The following IGF2BP2 variants were observed in gnomAD, a reference collection of about 807,000 sequenced individuals.
IGF2BP2 encodes the protein insulin-like growth factor 2 mRNA-binding protein 2.
In IGF2BP2, 17 loss-of-function variants were observed where a neutral mutation model predicts 75.8. The ratio of observed to expected loss-of-function variants is 0.22; its 90% CI spans 0.15 to 0.34. The LOEUF (loss-of-function observed/expected upper bound fraction) is 0.34, where lower values mean the gene tolerates loss of function less well. IGF2BP2 is among the 10% of genes least tolerant of loss of function. IGF2BP2 has a pLI of 1.00. For missense variants in IGF2BP2, 516 were observed against 772.4 expected (o/e 0.67, Z 3.93); for synonymous variants, 288 against 295.6 (o/e 0.97, Z 0.26).
chr3:185,706,211 G>C (rs1373477116), intron 2 of IGF2BP2, among the ~76,000 whole-genome samples: 1 of 152,144 alleles, frequency 6.6e-6, no homozygotes, highest in Non-Finnish European at 1.5e-5. Context: ...TCTACAAAAA[G>C]AGATGGTGGA....
At position 185,730,796 on chromosome 3, in the gene IGF2BP2, C is replaced by T. The variant is rs563578262; in HGVS notation, c.240-32449G>A. 2.2e-4 allele frequency among the ~76,000 whole-genome samples: 34 copies of T among 152,160 alleles called. No homozygotes were observed. In the East Asian group the frequency reaches 3.1e-3, roughly 14 times the overall value. ...TATTTTTAGTTCTTCAAGAAATCTC[C>T]GTACTGTTTTCCATAGAGGTTGTAC... On this transcript the variant is annotated intron_variant, in intron 2 of 15. Coordinates refer to ENST00000382199, the MANE Select transcript of IGF2BP2 (RefSeq NM_006548.6).
At chr3:185,714,226 G>GTAGTATTAT (rs1725256546) in intron 2 of IGF2BP2, among the ~76,000 whole-genome samples, 1 of 151,776 alleles carries the variant, frequency 6.6e-6, no homozygotes, top group Admixed American at 6.6e-5. Flanking sequence ...TTAGTATAGG[G>GTAGTATTAT]TAGTATTATT....
chr3:185,718,971 C>A (rs927903840), intron 2 of IGF2BP2, among the ~76,000 whole-genome samples: 4 of 152,162 alleles, frequency 2.6e-5, no homozygotes, highest in African/African-American at 9.7e-5. Context: ...AGCCACAGAC[C>A]CAAATCATGC....
chr3:185,751,853 C>T (rs1731013662), intron 2 of IGF2BP2, among the ~76,000 whole-genome samples: 1 of 151,802 alleles, frequency 6.6e-6, no homozygotes, highest in Non-Finnish European at 1.5e-5. Context: ...GTCCCAGCTA[C>T]TCAAGAGGCT....
intron 2 of IGF2BP2, among the ~76,000 whole-genome samples, chr3:185,799,585 A>T (rs1006359495): frequency 6.6e-6 from 1 of 151,880 alleles, no homozygotes; most frequent in Non-Finnish European, 1.5e-5. Flanking sequence ...CGTCTCTACT[A>T]AAAAAATACA....
intron 2 of IGF2BP2, among the ~76,000 whole-genome samples, chr3:185,752,231 T>C: frequency 6.6e-6 from 1 of 152,094 alleles, no homozygotes; most frequent in Non-Finnish European, 1.5e-5. Context: ...CAATGACACA[T>C]CCATTTACAA....
At chr3:185,671,216 A>G (rs1410022298) in intron 10 of IGF2BP2, among the ~76,000 whole-genome samples, 2 of 152,230 alleles carry the variant, frequency 1.3e-5, no homozygotes, top group Non-Finnish European at 2.9e-5. Flanking sequence ...TTTAAGGGGA[A>G]ATGATATAAC....
chr3:185,744,432 A>C (rs1729971143), intron 2 of IGF2BP2, among the ~76,000 whole-genome samples: 1 of 152,216 alleles, frequency 6.6e-6, no homozygotes, highest in African/African-American at 2.4e-5. Context: ...AGGAAATCAG[A>C]AAAGGAGGTT....
intron 2 of IGF2BP2, among the ~76,000 whole-genome samples, chr3:185,745,783 T>C (rs1011170630): frequency 1.2e-4 from 17 of 146,874 alleles, no homozygotes; most frequent in African/African-American, 4.1e-4. Context: ...GCATAGCTGC[T>C]GCCCAACAGG....
At chr3:185,815,282 A>G (rs918937094) in intron 2 of IGF2BP2, among the ~76,000 whole-genome samples, 12 of 152,208 alleles carry the variant, frequency 7.9e-5, no homozygotes, top group Admixed American at 7.2e-4. Flanking sequence ...ACTGAACTTG[A>G]GTTCCTAATC....
At chr3:185,696,691 T>G (rs779990217) in intron 3 of IGF2BP2, 28 bp from the exon 4 acceptor site, 7 of 1,599,482 alleles carry the variant, frequency 4.4e-6, no homozygotes, top group Non-Finnish European at 6.0e-6. Flanking sequence ...CATGTCAGAA[T>G]GGGAAGGCAA....
intron 2 of IGF2BP2, among the ~76,000 whole-genome samples, chr3:185,813,404 CAG>C (rs1296296605): frequency 6.6e-6 from 1 of 152,122 alleles, no homozygotes; most frequent in African/African-American, 2.4e-5. Context: ...TGGCACAACT[CAG>C]GGAGTTTTAC....
chr3:185,701,905 C>T (rs1057071594), intron 2 of IGF2BP2, among the ~76,000 whole-genome samples: 4 of 152,156 alleles, frequency 2.6e-5, no homozygotes, highest in African/African-American at 9.7e-5. Context: ...CTGCTGACTC[C>T]TGTGGCATCA....
At chr3:185,797,760 C>T (rs1480168394) in intron 2 of IGF2BP2, among the ~76,000 whole-genome samples, 1 of 150,872 alleles carries the variant, frequency 6.6e-6, no homozygotes, top group Non-Finnish European at 1.5e-5. Context: ...AAAAAATTAG[C>T]CAAGCGTGGA....
intron 2 of IGF2BP2, among the ~76,000 whole-genome samples, chr3:185,793,957 C>CTTTT (rs576340143): frequency 1.6e-5 from 2 of 125,504 alleles, no homozygotes; most frequent in East Asian, 4.4e-4. Flanking sequence ...AAGCAGATTC[C>CTTTT]TTTTTTTTTT....
chr3:185,755,918 T>C (rs1275569378), intron 2 of IGF2BP2, among the ~76,000 whole-genome samples: 1 of 152,142 alleles, frequency 6.6e-6, no homozygotes, highest in Admixed American at 6.6e-5. Flanking sequence ...AACAAGCGTT[T>C]TGGAGACTAT....
intron 4 of IGF2BP2, among the ~76,000 whole-genome samples, chr3:185,694,496 G>A (rs184760590): frequency 3.3e-5 from 5 of 152,212 alleles, no homozygotes; most frequent in Admixed American, 6.5e-5. Flanking sequence ...CACTGGGCAT[G>A]AAAGTTCTAT....
intron 2 of IGF2BP2, among the ~76,000 whole-genome samples, chr3:185,719,259 A>T (rs2149457447): frequency 6.6e-6 from 1 of 152,300 alleles, no homozygotes; most frequent in Non-Finnish European, 1.5e-5. Context: ...TTTGTGAGAT[A>T]AGGATAGTGG....
intron 2 of IGF2BP2, among the ~76,000 whole-genome samples, chr3:185,793,384 G>A (rs1026908724): frequency 2.6e-5 from 4 of 152,120 alleles, no homozygotes; most frequent in African/African-American, 9.7e-5. Flanking sequence ...AAAGCACCTA[G>A]CCCAGTAAAA....
Sources: gnomAD v4.1 joint callset for allele counts (sites outside exome capture counted in the v4.1 genomes callset) on GRCh38, gnomAD v4.1.1 for gene constraint, MANE v1.5 for transcripts, NCBI Gene and HGNC (gene_info 2026-07-23, HGNC 2026-07-21) for gene names.